BEX2: variants seen among roughly 807,000 people sequenced by gnomAD.
BEX2 encodes the protein protein BEX2.
Under a neutral mutation model 4.1 loss-of-function variants are expected in BEX2, and 2 were observed. That is an observed-to-expected ratio of 0.49 (90% confidence interval 0.20 to 1.53). The LOEUF (loss-of-function observed/expected upper bound fraction) is 1.53, where lower values mean the gene tolerates loss of function less well. Ranked by LOEUF, BEX2 falls within the 40% of genes most tolerant of loss-of-function variation. The pLI is 0.23. For synonymous variants in BEX2, 34 were observed against 35.9 expected (o/e 0.95, Z 0.19); for missense variants, 94 against 99.9 (o/e 0.94, Z 0.25).
At position 103,309,407 on chromosome X, in the gene BEX2, G is replaced by A. The variant is rs1926110964; in HGVS notation, c.*183C>T. 3 of 633,041 alleles carry A rather than the reference G, an allele frequency of 4.7e-6. No homozygotes were observed. Among genetic ancestry groups the A allele is most frequent in the South Asian group, 3.8e-5 (1 of 26,133 alleles). The allele number at this position is 633,041 out of a possible 1,213,427, so 52.2% of individuals were successfully genotyped here. The stretch of plus-strand genomic sequence containing the variant: ...TAATGAGCATCTTTCCATGCAATAG[G>A]TAAAACTCTCCTGCTGACAGAAACT... On this transcript the variant is annotated 3_prime_UTR_variant, in exon 3 of 3. Transcript: ENST00000372677.
rs1229477526 is a variant in BEX2 at position 103,310,394 on chromosome X, C to T, written c.-42G>A. 3 of 1,156,829 alleles carry T rather than the reference C, an allele frequency of 2.6e-6. No individual in the cohort carries two copies. The highest frequency in any genetic ancestry group is 2.6e-5 in the Admixed American group (1 of 38,838). ...CTTGCAGTCTCCTCCTCCCGATTCTCGACGTGAGGTGCGTCGCCGCAACAC... is the reference window on the plus strand; with the variant it reads ...CTTGCAGTCTCCTCCTCCCGATTCTTGACGTGAGGTGCGTCGCCGCAACAC... On this transcript the variant is annotated 5_prime_UTR_variant, in exon 2 of 3. Transcript: ENST00000372677.
chrX:103,310,395 G>T lies in BEX2; in HGVS notation c.-43C>A, dbSNP rs1457264600. 6 of 1,155,235 alleles carry T rather than the reference G, an allele frequency of 5.2e-6. No homozygotes were observed. Among genetic ancestry groups the T allele is most frequent in the Non-Finnish European group, 6.9e-6 (6 of 872,756 alleles). On this transcript the variant is annotated 5_prime_UTR_variant, in exon 2 of 3. Coordinates refer to ENST00000372677, the MANE Select transcript of BEX2 (RefSeq NM_032621.4). ...TTGCAGTCTCCTCCTCCCGATTCTCGACGTGAGGTGCGTCGCCGCAACACT... is the reference window on the plus strand; with the variant it reads ...TTGCAGTCTCCTCCTCCCGATTCTCTACGTGAGGTGCGTCGCCGCAACACT...
Position 103,309,822 on chromosome X carries a change from T to G in BEX2, c.155A>C (p.Asn52Thr), listed in dbSNP as rs746275577. 53 of 1,210,297 alleles carry G rather than the reference T, an allele frequency of 4.4e-5. No homozygotes were observed. The highest frequency in any genetic ancestry group is 5.4e-5 in the Non-Finnish European group (48 of 895,326). The change falls in exon 3 of 3, where the codon AAC (asparagine) becomes ACC (threonine). Residue 52 changes from asparagine to threonine, a missense_variant. Asn to Thr is a moderately conservative substitution (Grantham distance 65, BLOSUM62 0). Transcript: ENST00000372677. Reference sequence around the variant, plus strand: ...CTGCCTAACGCGGAACCGCCTACGGTTTCCTCTAGGCACACAGTATTCACT... The same window carrying G: ...CTGCCTAACGCGGAACCGCCTACGGGTTCCTCTAGGCACACAGTATTCACT... Reference protein sequence around the residue: ...NVSEYCVPRGNRRRFRVRQPI... With the variant: ...NVSEYCVPRGTRRRFRVRQPI...
chrX:103,309,411 A>C lies in BEX2; in HGVS notation c.*179T>G, dbSNP rs1421603989. On this transcript the variant is annotated 3_prime_UTR_variant, in exon 3 of 3. Transcript: ENST00000372677. ...GAGCATCTTTCCATGCAATAGGTAAAACTCTCCTGCTGACAGAAACTTACA... is the reference window on the plus strand; with the variant it reads ...GAGCATCTTTCCATGCAATAGGTAACACTCTCCTGCTGACAGAAACTTACA... 10 of 667,293 alleles carry C rather than the reference A, an allele frequency of 1.5e-5. No homozygotes were observed. The highest frequency in any genetic ancestry group is 2.2e-5 in the Non-Finnish European group (10 of 460,825). The allele number at this position is 667,293 out of a possible 1,213,427, so 55.0% of individuals were successfully genotyped here. A position where few individuals can be genotyped will look rare whatever the true frequency, so the allele number is the denominator to read the frequency against.
intron 2 of BEX2, 107 bp from the exon 3 acceptor site, chrX:103,310,088 G>T: frequency 2.0e-6 from 2 of 982,408 alleles, no homozygotes; most frequent in Non-Finnish European, 2.8e-6. Context: ...GATTTCAAAG[G>T]CCTTTTTTAA....
intron 1 of BEX2, 85 bp from the exon 2 acceptor site, chrX:103,310,518 G>C (rs1926168349): frequency 8.7e-7 from 1 of 1,146,574 alleles, no homozygotes; most frequent in Non-Finnish European, 1.2e-6. Flanking sequence ...CCTTCCCCAC[G>C]CCGGGCCCGG....
intron 1 of BEX2, 137 bp downstream of exon 1, chrX:103,310,723 C>A (rs1376944571): frequency 1.1e-6 from 1 of 877,972 alleles, no homozygotes; most frequent in Non-Finnish European, 1.6e-6. Context: ...TCACACAAGG[C>A]TCGCGGTCCC....
At chrX:103,310,596 A>C in intron 1 of BEX2, 163 bp from the exon 2 acceptor site, 2 of 1,154,937 alleles carry the variant, frequency 1.7e-6, no homozygotes, top group Non-Finnish European at 2.3e-6. Context: ...CATTTTCTGC[A>C]TCAAGAAGGG....
intron 1 of BEX2, 94 bp from the exon 2 acceptor site, chrX:103,310,527 G>A: frequency 8.7e-7 from 1 of 1,146,967 alleles, no homozygotes; most frequent in Non-Finnish European, 1.2e-6. Context: ...CGCCGGGCCC[G>A]GGCCCTCCTA....
chrX:103,309,639 G>A lies in BEX2; in HGVS notation c.338C>T (p.Thr113Ile). 1 of 1,211,423 alleles carries A rather than the reference G, an allele frequency of 8.3e-7. No homozygotes were observed. The highest frequency in any genetic ancestry group is 1.7e-5 in the African/African-American group (1 of 57,682). Residue 113 changes from threonine to isoleucine, a missense_variant, in exon 3 of 3, where the codon ACT becomes ATT. Coordinates refer to ENST00000372677, the MANE Select transcript of BEX2 (RefSeq NM_032621.4). Reference sequence around the variant, plus strand: ...GTGATGGTCATGGTGAGGGGGATCAGTGCTGACTGCCCGCAAACTATGACT... The same window carrying A: ...GTGATGGTCATGGTGAGGGGGATCAATGCTGACTGCCCGCAAACTATGACT... ...QLSHSLRAVS[T>I]DPPHHDHHDE...
At chrX:103,310,559 A>G in intron 1 of BEX2, 126 bp from the exon 2 acceptor site, 1 of 1,150,511 alleles carries the variant, frequency 8.7e-7, no homozygotes, top group Middle Eastern at 2.4e-4. Context: ...CCCCCGCCTC[A>G]GCCGCCCAGC....
intron 1 of BEX2, 132 bp downstream of exon 1, chrX:103,310,728 G>A (rs1254540085): frequency 5.8e-6 from 5 of 856,665 alleles, no homozygotes; most frequent in African/African-American, 4.1e-5. Context: ...CAAGGCTCGC[G>A]GTCCCGCGGC....
chrX:103,309,812 C>T lies in BEX2; in HGVS notation c.165G>A (p.Arg55=), dbSNP rs1926132395. The change falls in exon 3 of 3, where the codon CGG becomes CGA. Residue 55 remains arginine (R), a synonymous_variant. Transcript: ENST00000372677. ...EYCVPRGNRR[R]FRVRQPILQY... is the part of the protein sequence containing the mutation. ...GCAGGATGGGCTGCCTAACGCGGAACCGCCTACGGTTTCCTCTAGGCACAC... is the reference window on the plus strand; with the variant it reads ...GCAGGATGGGCTGCCTAACGCGGAATCGCCTACGGTTTCCTCTAGGCACAC... The T allele has an allele frequency of 8.3e-7, 1 of 1,210,413 alleles. No individual in the cohort carries two copies. Among genetic ancestry groups the T allele is most frequent in the Non-Finnish European group, 1.1e-6 (1 of 895,347 alleles).
At position 103,309,781 on chromosome X, in the gene BEX2, T is replaced by C; in HGVS notation, c.196A>G (p.Arg66Gly). The change falls in exon 3 of 3, where the codon AGA (arginine) becomes GGA (glycine). Residue 66 changes from arginine to glycine, a missense_variant. Coordinates refer to ENST00000372677, the MANE Select transcript of BEX2 (RefSeq NM_032621.4). Reference sequence around the variant, plus strand: ...CCAAGCCTATGCATTATGTCCCATCTATACTGCAGGATGGGCTGCCTAACG... The same window carrying C: ...CCAAGCCTATGCATTATGTCCCATCCATACTGCAGGATGGGCTGCCTAACG... ...FRVRQPILQY[R>G]WDIMHRLGEP... 1 of 1,212,067 alleles carries C rather than the reference T, an allele frequency of 8.3e-7. No individual in the cohort carries two copies. Among genetic ancestry groups the C allele is most frequent in the Non-Finnish European group, 1.1e-6 (1 of 895,591 alleles).
Position 103,309,716 on chromosome X carries a change from C to T in BEX2, c.261G>A (p.Arg87=), listed in dbSNP as rs1403813180. Residue 87 remains arginine (R), a synonymous_variant, in exon 3 of 3, where the codon AGG becomes AGA. Transcript: ENST00000372677. ...QARMREENME[R]IGEEVRQLME... ...TCAGCTGTCTCACCTCCTCCCCAAT[C>T]CTTTCCATATTCTCCTCTCTCATCC... is the stretch of plus-strand genomic sequence containing the variant. The T allele has an allele frequency of 8.3e-7, 1 of 1,211,578 alleles. No homozygotes were observed. The highest frequency in any genetic ancestry group is 1.1e-6 in the Non-Finnish European group (1 of 895,498).
Position 103,309,489 on chromosome X carries a change from GAAATAGGT to G in BEX2, c.*93_*100del. On this transcript the variant is annotated 3_prime_UTR_variant, in exon 3 of 3. Coordinates refer to ENST00000372677, the MANE Select transcript of BEX2 (RefSeq NM_032621.4). The stretch of plus-strand genomic sequence containing the variant: ...GAAGCTGGTAATAGGAGACCCACAA[GAAATAGGT>G]AACATCAAAACGTTTACGACAAAGG... 1 of 1,110,434 alleles carries G rather than the reference GAAATAGGT, an allele frequency of 9.0e-7. No individual in the cohort carries two copies. Among genetic ancestry groups the G allele is most frequent in the Admixed American group, 2.8e-5 (1 of 35,318 alleles). 91.5% of individuals were successfully genotyped at this position (1,110,434 alleles called of 1,213,427 possible).
Position 103,309,517 on chromosome X carries a change from C to T in BEX2, c.*73G>A, listed in dbSNP as rs1926114691. 2 of 1,158,910 alleles carry T rather than the reference C, an allele frequency of 1.7e-6. No homozygotes were observed. Among genetic ancestry groups the T allele is most frequent in the Non-Finnish European group, 1.2e-6 (1 of 867,846 alleles). ...ATAGGTAACATCAAAACGTTTACGA[C>T]AAAGGTACACCACAAATGTGTAAGT... On this transcript the variant is annotated 3_prime_UTR_variant, in exon 3 of 3. Transcript: ENST00000372677.
intron 1 of BEX2, 75 bp from the exon 2 acceptor site, chrX:103,310,508 C>T (rs1171952878): frequency 4.4e-6 from 5 of 1,146,247 alleles, no homozygotes; most frequent in African/African-American, 3.6e-5. Flanking sequence ...CCACCCGGCC[C>T]CTTCCCCACG....
intron 2 of BEX2, 69 bp from the exon 3 acceptor site, chrX:103,310,050 T>A: frequency 9.3e-7 from 1 of 1,075,264 alleles, no homozygotes; most frequent in Non-Finnish European, 1.2e-6. Flanking sequence ...GAGGCCCGAC[T>A]ACCCACCTTT....
Sources: gnomAD v4.1 joint callset for allele counts on GRCh38, gnomAD v4.1.1 for gene constraint, MANE v1.5 for transcripts, NCBI Gene and HGNC (gene_info 2026-07-23, HGNC 2026-07-21) for gene names.